Variants in WASHC2C observed in about 807,000 individuals in gnomAD.
The protein encoded by WASHC2C is Vaccinia Penetration Factor.
WASHC2C carries 73 observed loss-of-function variants against 142.2 expected under a neutral mutation model. That is an observed-to-expected ratio of 0.51 (90% CI 0.43 to 0.62). WASHC2C has a LOEUF of 0.62. WASHC2C is among the 20% of genes least tolerant of loss of function. WASHC2C has a pLI of 0.00. For synonymous variants in WASHC2C, 337 were observed against 565.5 expected (o/e 0.60, Z 5.73); for missense variants, 969 against 1,531.7 (o/e 0.63, Z 6.13).
chr10:45,740,858 C>T (rs1273620951), intron 5 of WASHC2C, among the ~76,000 whole-genome samples: 36 of 151,836 alleles, frequency 2.4e-4, no homozygotes, highest in African/African-American at 7.0e-4. Context: ...CAGAGTCTCT[C>T]GGTAGTGAAC....
At chr10:45,749,287 T>C (rs543712855) in intron 8 of WASHC2C, among the ~76,000 whole-genome samples, 157 of 151,110 alleles carry the variant, frequency 1.0e-3, no homozygotes, top group African/African-American at 3.6e-3. Context: ...ATATAAAAAT[T>C]AGCCGGGCGT....
intron 9 of WASHC2C, among the ~76,000 whole-genome samples, chr10:45,750,477 T>A (rs1260618495): frequency 2.0e-5 from 3 of 152,086 alleles, no homozygotes; most frequent in Admixed American, 2.0e-4. Context: ...CCATTCACCT[T>A]TTTCTTATTT....
intron 11 of WASHC2C, 91 bp downstream of exon 11, chr10:45,751,644 G>A (rs1439352268): frequency 1.7e-5 from 16 of 949,500 alleles, no homozygotes; most frequent in South Asian, 1.0e-4. Context: ...TTTACATGCT[G>A]TTTTCCCTCT....
chr10:45,749,836 A>AAAAAAAAAATATATAT (rs1227809519), intron 8 of WASHC2C, among the ~76,000 whole-genome samples: 150 of 101,708 alleles, frequency 1.5e-3, no homozygotes, highest in African/African-American at 6.1e-3. Flanking sequence ...AAAAAAAAAA[A>AAAAAAAAAATATATAT]ATATATATAT....
chr10:45,739,727 G>C (rs2051750354), intron 4 of WASHC2C, among the ~76,000 whole-genome samples: 1 of 152,066 alleles, frequency 6.6e-6, no homozygotes, highest in Admixed American at 6.6e-5. Context: ...GATAGTCATG[G>C]TGAGTCTGAG....
intron 10 of WASHC2C, 144 bp downstream of exon 10, chr10:45,750,982 G>A (rs1417462980): frequency 2.0e-4 from 191 of 944,854 alleles, no homozygotes; most frequent in Middle Eastern, 3.3e-4. Flanking sequence ...AAATTGTAGC[G>A]CTTATTCCTT....
chr10:45,757,233 G>A (rs1230018721), intron 16 of WASHC2C, 94 bp downstream of exon 16: 17 of 1,578,774 alleles, frequency 1.1e-5, no homozygotes, highest in East Asian at 2.3e-5. Flanking sequence ...TCCCTTTCAC[G>A]TTCATATTGA....
chr10:45,748,002 C>T (rs2053060650), intron 8 of WASHC2C, among the ~76,000 whole-genome samples: 1 of 115,264 alleles, frequency 8.7e-6, no homozygotes, highest in South Asian at 3.1e-4. Context: ...AAGTATTATG[C>T]ATGTAGATTT....
At chr10:45,762,961 A>G (rs1249606631) in intron 17 of WASHC2C, among the ~76,000 whole-genome samples, 1 of 152,202 alleles carries the variant, frequency 6.6e-6, no homozygotes, top group East Asian at 1.9e-4. Flanking sequence ...GTTACTAAAT[A>G]AAATAGTTGT....
At position 45,786,610 on chromosome 10, in the gene WASHC2C, A is replaced by G; in HGVS notation, c.2812-2A>G. 1.2e-6 allele frequency: 2 copies of G among 1,611,286 alleles called. No homozygotes were observed. The highest frequency in any genetic ancestry group is 8.5e-7 in the Non-Finnish European group (1 of 1,179,270). ...TTTTTAACTGGATGTAATCTTACAC[A>G]GGACTCATCAGGTCTCGCTCCATTT... On this transcript the variant is annotated splice_acceptor_variant, in intron 26 of 30. Coordinates refer to ENST00000623400, the MANE Select transcript of WASHC2C (RefSeq NM_001330074.2). LOFTEE classifies it high-confidence loss of function.
At chr10:45,791,500 C>T (rs1170223571) in intron 30 of WASHC2C, among the ~76,000 whole-genome samples, 1 of 146,374 alleles carries the variant, frequency 6.8e-6, no homozygotes, top group East Asian at 1.9e-4. Context: ...CCCTATTCTG[C>T]TCTGTCTTTT....
intron 5 of WASHC2C, among the ~76,000 whole-genome samples, chr10:45,743,184 G>A (rs1554869161): frequency 1.3e-5 from 2 of 151,846 alleles, no homozygotes; most frequent in Non-Finnish European, 2.9e-5. Context: ...GCCTTACCTT[G>A]ACATCTTTAC....
At chr10:45,747,201 C>T (rs1250914634) in intron 8 of WASHC2C, among the ~76,000 whole-genome samples, 49 of 151,872 alleles carry the variant, frequency 3.2e-4, no homozygotes, top group African/African-American at 1.2e-3. Context: ...AGTGCCGTGG[C>T]GTGATCTCAG....
rs1406160652 is a variant in WASHC2C at position 45,792,918 on chromosome 10, C to A, written c.*518C>A. ...GCAAAGTTTGGCAAACTGTGGCCCC[C>A]CCACTGTCATATTTTGTTAATAAAA... On this transcript the variant is annotated 3_prime_UTR_variant, in exon 31 of 31. Coordinates refer to ENST00000623400, the MANE Select transcript of WASHC2C (RefSeq NM_001330074.2). 82 of 469,386 alleles carry A rather than the reference C, an allele frequency of 1.7e-4. No homozygotes were observed. In the East Asian group the frequency reaches 5.4e-3, roughly 31 times the overall value. 29.1% of individuals were successfully genotyped at this position (469,386 alleles called of 1,614,324 possible).
chr10:45,742,514 C>G (rs1297772281), intron 5 of WASHC2C, among the ~76,000 whole-genome samples: 1 of 152,196 alleles, frequency 6.6e-6, no homozygotes, highest in Non-Finnish European at 1.5e-5. Context: ...TTGGGTTTCA[C>G]CACGTTGGCC....
chr10:45,731,622 A>T (rs1198078646), intron 3 of WASHC2C, among the ~76,000 whole-genome samples: 8 of 151,158 alleles, frequency 5.3e-5, no homozygotes, highest in Non-Finnish European at 1.2e-4. Flanking sequence ...TCTTCTCCGG[A>T]TGTGCTGGTT....
intron 19 of WASHC2C, among the ~76,000 whole-genome samples, chr10:45,766,985 G>A (rs1264119133): frequency 5.3e-5 from 8 of 152,074 alleles, no homozygotes; most frequent in Admixed American, 2.6e-4. Flanking sequence ...AAGCTTATGC[G>A]GCCGGGCGTG....
At chr10:45,745,481 G>A (rs537902919) in intron 7 of WASHC2C, among the ~76,000 whole-genome samples, 2 of 151,766 alleles carry the variant, frequency 1.3e-5, no homozygotes, top group African/African-American at 2.4e-5. Flanking sequence ...GAGAGTCCTC[G>A]AGTATGGGAT....
In WASHC2C at chr10:45,727,605, C is replaced by T. The variant is rs567366320; in HGVS notation, c.126+66C>T. On this transcript the variant is annotated intron_variant, in intron 2 of 30. Coordinates refer to ENST00000623400, the MANE Select transcript of WASHC2C (RefSeq NM_001330074.2). ...ACGCTTGGCTTGCGCGCAGGAGGGC[C>T]GGACCGCGACTGCCCCTGCACCTGG... 750 of 1,485,502 alleles carry T rather than the reference C, an allele frequency of 5.0e-4. 4 individuals are homozygous for T. The African/African-American group carries it at 8.2e-3, about 16-fold the overall frequency. 92.0% of individuals were successfully genotyped at this position (1,485,502 alleles called of 1,614,324 possible).
Sources: allele counts gnomAD v4.1 joint callset (sites outside exome capture counted in the v4.1 genomes callset), GRCh38; gene constraint gnomAD v4.1.1; transcripts MANE v1.5; gene names NCBI Gene and HGNC (gene_info 2026-07-23, HGNC 2026-07-21).